ANKRD33B: variants seen among roughly 807,000 people sequenced by gnomAD.
ANKRD33B encodes ankyrin repeat domain 33B.
ANKRD33B carries 6 observed loss-of-function variants against 21.5 expected under a neutral mutation model. The observed-to-expected ratio is 0.28, with a 90% CI of 0.15 to 0.55. The LOEUF is 0.55. Among genes scored for constraint, ANKRD33B ranks in the 20% least tolerant of loss-of-function variants. The pLI is 0.94. For synonymous variants in ANKRD33B, 347 were observed against 342.4 expected, an observed-to-expected ratio of 1.01 and a Z score of -0.15; for missense variants, 698 against 747.2, an observed-to-expected ratio of 0.93 and a Z score of 0.77.
Position 10,652,542 on chromosome 5 carries a change from G to C in ANKRD33B, c.*2429G>C. 6.5e-6 allele frequency: 1 copy of C among 153,712 alleles called. No homozygotes were observed. The highest frequency in any genetic ancestry group is 1.7e-3 in the Middle Eastern group (1 of 600). The allele number at this position is 153,712 out of a possible 1,614,324, so 9.5% of individuals were successfully genotyped here. A position where few individuals can be genotyped will look rare whatever the true frequency, so the allele number is the denominator to read the frequency against. ...CCATGGGAAGCTGTCACTGGGAATGGTATGGAGCCCTCACTTCTACCCCAA... is the reference window on the plus strand; with the variant it reads ...CCATGGGAAGCTGTCACTGGGAATGCTATGGAGCCCTCACTTCTACCCCAA... On this transcript the variant is annotated 3_prime_UTR_variant, in exon 4 of 4. Transcript: ENST00000296657. The surrounding 1 kb of genome is among the most constrained non-coding windows in gnomAD (Gnocchi z 4.1).
At chr5:10,608,841 A>G (rs1216458468) in intron 1 of ANKRD33B, among the ~76,000 whole-genome samples, 2 of 152,234 alleles carry the variant, frequency 1.3e-5, no homozygotes. Flanking sequence ...TGGTGTCGAG[A>G]AAACAATCGC....
chr5:10,637,241 A>G (rs1362987618), intron 2 of ANKRD33B, among the ~76,000 whole-genome samples: 3 of 152,090 alleles, frequency 2.0e-5, no homozygotes, highest in African/African-American at 7.2e-5. Context: ...CTCCTTATTC[A>G]CCATTAACTG....
At chr5:10,638,877 ATGTTAG>A (rs879560095) in intron 3 of ANKRD33B, among the ~76,000 whole-genome samples, 2,136 of 150,780 alleles carry the variant, frequency 0.014, 286 homozygotes, top group South Asian at 0.018. Flanking sequence ...TTGCATGGTA[ATGTTAG>A]CGGGTGACGT....
intron 1 of ANKRD33B, among the ~76,000 whole-genome samples, chr5:10,616,799 G>T (rs1045550997): frequency 6.6e-6 from 1 of 152,220 alleles, no homozygotes; most frequent in African/African-American, 2.4e-5. Context: ...TTGTTACGAG[G>T]TCTCTTCGTC....
intron 2 of ANKRD33B, among the ~76,000 whole-genome samples, chr5:10,622,710 A>G (rs969574469): frequency 6.6e-6 from 1 of 151,880 alleles, no homozygotes; most frequent in Non-Finnish European, 1.5e-5. Context: ...TCAGATGAAG[A>G]TGCTGCCCTG....
chr5:10,591,241 G>A (rs1461709563), intron 1 of ANKRD33B, among the ~76,000 whole-genome samples: 2 of 127,524 alleles, frequency 1.6e-5, no homozygotes, highest in African/African-American at 6.0e-5. Context: ...TGCCCAGGCT[G>A]GAGTGCAGTG....
Position 10,590,686 on chromosome 5 carries a change from A to G in ANKRD33B, c.366+25853A>G, listed in dbSNP as rs539017725. On this transcript the variant is annotated intron_variant, in intron 1 of 3. Coordinates refer to ENST00000296657, the MANE Select transcript of ANKRD33B (RefSeq NM_001164440.2). ...TGTGGCCCAAGACAATTCTTCTTCC[A>G]TTGAGGTCCAGGGAAGCCAAAAGAT... Among the ~76,000 whole-genome samples, 81 of 152,074 alleles carry G rather than the reference A, an allele frequency of 5.3e-4. 1 individual carries two copies. The highest frequency in any genetic ancestry group is 2.0e-4 in the Admixed American group (3 of 15,282).
chr5:10,650,205 G>A lies in ANKRD33B; in HGVS notation c.*92G>A, dbSNP rs1171468775. Reference sequence around the variant, plus strand: ...GAAGGAGGCGGCCCCGTTGCGCATCGCACCACTTCCGCTCCATGGACCACG... The same window carrying A: ...GAAGGAGGCGGCCCCGTTGCGCATCACACCACTTCCGCTCCATGGACCACG... On this transcript the variant is annotated 3_prime_UTR_variant, in exon 4 of 4. Coordinates refer to ENST00000296657, the MANE Select transcript of ANKRD33B (RefSeq NM_001164440.2). The A allele has an allele frequency of 3.1e-5, 41 of 1,316,358 alleles. No individual in the cohort carries two copies. The South Asian group carries it at 6.2e-4, about 20-fold the overall frequency. 81.5% of individuals were successfully genotyped at this position (1,316,358 alleles called of 1,614,324 possible). A position where few individuals can be genotyped will look rare whatever the true frequency, so the allele number is the denominator to read the frequency against.
intron 2 of ANKRD33B, among the ~76,000 whole-genome samples, chr5:10,635,291 G>A (rs984210424): frequency 2.6e-5 from 4 of 152,186 alleles, no homozygotes; most frequent in Admixed American, 2.0e-4. Flanking sequence ...ACTGACAGGT[G>A]CCGCCAAGCA....
chr5:10,595,511 A>G (rs894180945), intron 1 of ANKRD33B, among the ~76,000 whole-genome samples: 7 of 152,200 alleles, frequency 4.6e-5, no homozygotes, highest in Admixed American at 3.9e-4. Context: ...ATTATGATCT[A>G]TAAAGATGCT....
intron 2 of ANKRD33B, among the ~76,000 whole-genome samples, chr5:10,629,236 T>C (rs1220737893): frequency 6.6e-6 from 1 of 152,190 alleles, no homozygotes; most frequent in Admixed American, 6.5e-5. Context: ...TGTGGCCCCA[T>C]GGGGACGTGG....
chr5:10,580,147 A>G (rs1399957312), intron 1 of ANKRD33B, among the ~76,000 whole-genome samples: 3 of 152,196 alleles, frequency 2.0e-5, no homozygotes, highest in Non-Finnish European at 4.4e-5. Flanking sequence ...CACCACCAGG[A>G]GTGGCTGCCA....
At chr5:10,582,291 A>G (rs916370369) in intron 1 of ANKRD33B, among the ~76,000 whole-genome samples, 2 of 152,334 alleles carry the variant, frequency 1.3e-5, no homozygotes, top group South Asian at 2.1e-4. Flanking sequence ...GCTGCAAAGT[A>G]CGGAGCTGGT....
chr5:10,609,567 G>C (rs1013435402), intron 1 of ANKRD33B, among the ~76,000 whole-genome samples: 1 of 151,974 alleles, frequency 6.6e-6, no homozygotes. Flanking sequence ...TACATTTGTG[G>C]CTCCCCTTAT....
At chr5:10,630,418 C>T (rs907890221) in intron 2 of ANKRD33B, among the ~76,000 whole-genome samples, 3 of 152,192 alleles carry the variant, frequency 2.0e-5, no homozygotes, top group African/African-American at 4.8e-5. Flanking sequence ...GCTTCCATCA[C>T]GCCTGCAAAC....
rs866695446 is a variant in ANKRD33B, at chr5:10,619,865, A to G, written c.496+1403A>G. Among the ~76,000 whole-genome samples, 1 of 152,200 alleles carries G rather than the reference A, an allele frequency of 6.6e-6. No homozygotes were observed. Among genetic ancestry groups the G allele is most frequent in the Admixed American group, 6.5e-5 (1 of 15,284 alleles). ...AGAGAAACACACGAAGCCCAGCACCATCTGTCTGCCGGAGCTTGGTGCTGT... is the reference window on the plus strand; with the variant it reads ...AGAGAAACACACGAAGCCCAGCACCGTCTGTCTGCCGGAGCTTGGTGCTGT... On this transcript the variant is annotated intron_variant, in intron 2 of 3. Transcript: ENST00000296657. The surrounding 1 kb of genome is among the most constrained non-coding windows in gnomAD (Gnocchi z 4.5).
intron 1 of ANKRD33B, among the ~76,000 whole-genome samples, chr5:10,570,898 A>G (rs1735168524): frequency 7.2e-6 from 1 of 138,144 alleles, no homozygotes; most frequent in African/African-American, 2.6e-5. Context: ...CATGACTCAA[A>G]TAACCTTTTT....
At chr5:10,594,769 C>T (rs1469197104) in intron 1 of ANKRD33B, among the ~76,000 whole-genome samples, 1 of 152,114 alleles carries the variant, frequency 6.6e-6, no homozygotes, top group African/African-American at 2.4e-5. Context: ...GAGCTGCCTG[C>T]GATGTGGGTG....
chr5:10,644,005 TA>T (rs71998359), intron 3 of ANKRD33B, among the ~76,000 whole-genome samples: 62,455 of 140,878 alleles, frequency 0.44, 13,244 homozygotes, highest in Middle Eastern at 0.56. Context: ...GGGTAAGAAT[TA>T]AAAAAAAAAA....
Sources: gnomAD v4.1 joint callset for allele counts (sites outside exome capture counted in the v4.1 genomes callset) on GRCh38, gnomAD v4.1.1 for gene constraint, Gnocchi (gnomAD v3.1) non-coding constraint, MANE v1.5 for transcripts, NCBI Gene and HGNC (gene_info 2026-07-23, HGNC 2026-07-21) for gene names.